The following SIRT1 variants were observed in gnomAD, a reference collection of about 807,000 sequenced individuals.
SIRT1 encodes NAD-dependent protein deacetylase sirtuin-1.
Under a neutral mutation model 67.9 loss-of-function variants are expected in SIRT1, and 24 were observed. That is an observed-to-expected ratio of 0.35 (90% confidence interval 0.26 to 0.50). SIRT1 has a LOEUF of 0.50. Among genes scored for constraint, SIRT1 ranks in the 20% least tolerant of loss-of-function variants. The pLI is 0.98. For missense variants in SIRT1, 873 were observed against 937.2 expected, an observed-to-expected ratio of 0.93 and a Z score of 0.89; for synonymous variants, 378 against 350.7, an observed-to-expected ratio of 1.08 and a Z score of -0.87.
chr10:67,898,179 A>T (rs577740890), intron 4 of SIRT1, among the ~76,000 whole-genome samples: 1 of 151,044 alleles, frequency 6.6e-6, no homozygotes, highest in African/African-American at 2.4e-5. Flanking sequence ...GAATCACTTG[A>T]ACCCAGGAGG....
chr10:67,897,633 A>T (rs1311825273), intron 4 of SIRT1, among the ~76,000 whole-genome samples: 1 of 151,984 alleles, frequency 6.6e-6, no homozygotes, highest in Non-Finnish European at 1.5e-5. Context: ...AAGTGCTGGT[A>T]TTACAGGCAT....
At chr10:67,888,485 A>T (rs1055816767) in intron 2 of SIRT1, among the ~76,000 whole-genome samples, 23 of 152,082 alleles carry the variant, frequency 1.5e-4, no homozygotes, top group African/African-American at 4.8e-4. Context: ...ATAGATTTTC[A>T]TTTCTTTTTC....
intron 4 of SIRT1, among the ~76,000 whole-genome samples, chr10:67,901,726 T>A (rs1357208960): frequency 2.6e-5 from 4 of 152,262 alleles, no homozygotes; most frequent in Non-Finnish European, 5.9e-5. Context: ...GTTAGGTTAA[T>A]ACAGGGGTTG....
intron 4 of SIRT1, among the ~76,000 whole-genome samples, chr10:67,894,570 TAGA>T (rs1049840671): frequency 5.3e-5 from 8 of 152,158 alleles, no homozygotes; most frequent in Admixed American, 1.3e-4. Flanking sequence ...AGCAAGTAAC[TAGA>T]AGTTACTTTG....
At chr10:67,892,577 A>G (rs1382135007) in intron 4 of SIRT1, among the ~76,000 whole-genome samples, 1 of 151,422 alleles carries the variant, frequency 6.6e-6, no homozygotes, top group Non-Finnish European at 1.5e-5. Flanking sequence ...TCCAAAATAT[A>G]TGTATGTTTT....
Position 67,887,432 on chromosome 10 carries a change from G to C in SIRT1, c.446G>C (p.Gly149Ala). Residue 149 changes from glycine (G) to alanine (A), a missense_variant, in exon 2 of 9, where the codon GGT becomes GCT. Gly to Ala is a moderately conservative substitution (Grantham distance 60). Coordinates refer to ENST00000212015, the MANE Select transcript of SIRT1 (RefSeq NM_012238.5). ...TCTTTTGCAGATAACCTTCTGTTCGGTGATGAAATTATCACTAATGGTTTT... is the reference window on the plus strand; with the variant it reads ...TCTTTTGCAGATAACCTTCTGTTCGCTGATGAAATTATCACTAATGGTTTT... ...AIGYRDNLLF[G>A]DEIITNGFHS... 6.2e-7 allele frequency: 1 copy of C among 1,612,772 alleles called. No individual in the cohort carries two copies. The highest frequency in any genetic ancestry group is 8.5e-7 in the Non-Finnish European group (1 of 1,178,980).
At chr10:67,905,054 C>T (rs140792615) in intron 4 of SIRT1, among the ~76,000 whole-genome samples, 20 of 152,212 alleles carry the variant, frequency 1.3e-4, no homozygotes, top group Admixed American at 2.6e-4. Flanking sequence ...CTCTTTTTCC[C>T]TGACCTTGCT....
intron 8 of SIRT1, among the ~76,000 whole-genome samples, chr10:67,914,740 T>C (rs2029870186): frequency 6.6e-6 from 1 of 152,064 alleles, no homozygotes; most frequent in South Asian, 2.1e-4. Flanking sequence ...GGAGTTTTGC[T>C]CTTGTTGTCC....
In SIRT1 at chr10:67,887,431, G is replaced by T; in HGVS notation, c.445G>T (p.Gly149Cys). Residue 149 changes from glycine (G) to cysteine (C), a missense_variant, in exon 2 of 9, where the codon GGT becomes TGT. Physicochemically the swap from Gly to Cys is radical, Grantham distance 159. Transcript: ENST00000212015. Reference sequence around the variant, plus strand: ...TTCTTTTGCAGATAACCTTCTGTTCGGTGATGAAATTATCACTAATGGTTT... The same window carrying T: ...TTCTTTTGCAGATAACCTTCTGTTCTGTGATGAAATTATCACTAATGGTTT... ...AIGYRDNLLF[G>C]DEIITNGFHS... 2.5e-6 allele frequency: 4 copies of T among 1,612,058 alleles called. No individual in the cohort carries two copies. Among genetic ancestry groups the T allele is most frequent in the Non-Finnish European group, 3.4e-6 (4 of 1,178,496 alleles).
intron 4 of SIRT1, among the ~76,000 whole-genome samples, chr10:67,904,131 T>TTTG (rs1554890918): frequency 4.2e-5 from 6 of 143,322 alleles, no homozygotes; most frequent in Admixed American, 3.5e-4. Context: ...TTGTTTGTTT[T>TTTG]TTTTTTTTTT....
At chr10:67,903,319 A>G (rs928107448) in intron 4 of SIRT1, among the ~76,000 whole-genome samples, 2 of 151,364 alleles carry the variant, frequency 1.3e-5, no homozygotes, top group African/African-American at 4.9e-5. Flanking sequence ...TCTTTTATTC[A>G]TATTGCTAGA....
In SIRT1 at chr10:67,902,689, A is replaced by T. The variant is rs562700569; in HGVS notation, c.943-4101A>T. Among the ~76,000 whole-genome samples, 5 of 152,172 alleles carry T rather than the reference A, an allele frequency of 3.3e-5. No homozygotes were observed. The South Asian group carries it at 1.0e-3, about 31-fold the overall frequency. The stretch of plus-strand genomic sequence containing the variant: ...AGGAAAGTTTAGGTTCTATTTTCTC[A>T]GCAACTCTACTTAACTGCCTCCATC... On this transcript the variant is annotated intron_variant, in intron 4 of 8. Transcript: ENST00000212015.
intron 4 of SIRT1, among the ~76,000 whole-genome samples, chr10:67,897,554 G>T (rs2131863041): frequency 6.6e-6 from 1 of 152,116 alleles, no homozygotes; most frequent in East Asian, 1.9e-4. Flanking sequence ...AGTAGAGACG[G>T]GGTTTCACCA....
intron 5 of SIRT1, 37 bp downstream of exon 5, chr10:67,906,974 T>C: frequency 2.0e-6 from 3 of 1,509,166 alleles, no homozygotes; most frequent in South Asian, 2.6e-5. Context: ...GTAATTTATT[T>C]TAGTTTTATA....
chr10:67,913,767 T>C lies in SIRT1; in HGVS notation c.1915+736T>C, dbSNP rs1470442911. Among the ~76,000 whole-genome samples, 11 of 152,358 alleles carry C rather than the reference T, an allele frequency of 7.2e-5. No homozygotes were observed. In the East Asian group the frequency reaches 1.3e-3, roughly 19 times the overall value. On this transcript the variant is annotated intron_variant, in intron 8 of 8. Coordinates refer to ENST00000212015, the MANE Select transcript of SIRT1 (RefSeq NM_012238.5). ...CTGTAACTTAGCTATAACAGTCTTATATAACTTAGAACTTTAAGTCTCATT... is the reference window on the plus strand; with the variant it reads ...CTGTAACTTAGCTATAACAGTCTTACATAACTTAGAACTTTAAGTCTCATT...
chr10:67,897,186 A>C (rs941985425), intron 4 of SIRT1, among the ~76,000 whole-genome samples: 2 of 152,000 alleles, frequency 1.3e-5, no homozygotes, highest in African/African-American at 4.8e-5. Context: ...TCTGAGCACC[A>C]GTGTGTTACA....
chr10:67,903,764 T>C (rs34863186), intron 4 of SIRT1, among the ~76,000 whole-genome samples: 2 of 152,204 alleles, frequency 1.3e-5, no homozygotes, highest in African/African-American at 4.8e-5. Flanking sequence ...ATTTGCATGT[T>C]TCCAGACACA....
rs1417643805 is a variant in SIRT1, at chr10:67,907,035, ATTAT to A, written c.1090+102_1090+105del. ...TGCCATCGAGAAGTGGAGATAAAGC[ATTAT>A]TTAATCATGTTATCTCATTTATCGA... On this transcript the variant is annotated intron_variant, in intron 5 of 8. Coordinates refer to ENST00000212015, the MANE Select transcript of SIRT1 (RefSeq NM_012238.5). 6 of 1,072,932 alleles carry A rather than the reference ATTAT, an allele frequency of 5.6e-6. No individual in the cohort carries two copies. In the African/African-American group the frequency reaches 1.0e-4, roughly 18 times the overall value. The allele number at this position is 1,072,932 out of a possible 1,614,324, so 66.5% of individuals were successfully genotyped here.
At chr10:67,915,027 G>C (rs1245552626) in intron 8 of SIRT1, among the ~76,000 whole-genome samples, 1 of 151,926 alleles carries the variant, frequency 6.6e-6, no homozygotes, top group Non-Finnish European at 1.5e-5. Flanking sequence ...TGCCCTGCCT[G>C]TGGTGTCTTG....
Sources: gnomAD v4.1 joint callset for allele counts (sites outside exome capture counted in the v4.1 genomes callset) on GRCh38, gnomAD v4.1.1 for gene constraint, MANE v1.5 for transcripts, NCBI Gene and HGNC (gene_info 2026-07-23, HGNC 2026-07-21) for gene names.